The following ADAMTS3 variants were observed in gnomAD, a reference collection of about 807,000 sequenced individuals.
The protein encoded by ADAMTS3 is ADAM metallopeptidase with thrombospondin type 1 motif 3.
A neutral mutation model predicts 129.0 loss-of-function variants in ADAMTS3; 73 were observed. That is an observed-to-expected ratio of 0.57 (90% CI 0.47 to 0.69). ADAMTS3 has a LOEUF of 0.69. Ranked by LOEUF, ADAMTS3 falls within the 30% of genes least tolerant of loss-of-function variation. The probability of loss-of-function intolerance (pLI) is 0.00; values close to 1 mark genes in which losing one functional copy is unlikely to be tolerated. For missense variants in ADAMTS3, 1,457 were observed against 1,514.5 expected (o/e 0.96, Z 0.63); for synonymous variants, 477 against 510.8 (o/e 0.93, Z 0.89).
intron 17 of ADAMTS3, among the ~76,000 whole-genome samples, chr4:72,303,396 CAG>C (rs1719002469): frequency 6.6e-6 from 1 of 151,896 alleles, no homozygotes; most frequent in Non-Finnish European, 1.5e-5. Flanking sequence ...GAAGGGAAAA[CAG>C]GGAATAAAAA....
intron 19 of ADAMTS3, among the ~76,000 whole-genome samples, chr4:72,293,148 A>G (rs1718719615): frequency 6.6e-6 from 1 of 152,224 alleles, no homozygotes; most frequent in Admixed American, 6.5e-5. Context: ...CCAACTCAGC[A>G]GTACAAGGTG....
intron 2 of ADAMTS3, among the ~76,000 whole-genome samples, chr4:72,556,302 T>G (rs1432256110): frequency 6.6e-6 from 1 of 151,776 alleles, no homozygotes; most frequent in African/African-American, 2.4e-5. Flanking sequence ...CAGCCAGATA[T>G]GCTACAACTT....
chr4:72,426,021 C>T (rs1486325690), intron 3 of ADAMTS3, among the ~76,000 whole-genome samples: 3 of 152,168 alleles, frequency 2.0e-5, no homozygotes, highest in Non-Finnish European at 4.4e-5. Context: ...TTAATGATTG[C>T]CATTCTAACC....
At chr4:72,548,379 A>G in intron 3 of ADAMTS3, 99 bp downstream of exon 3, 1 of 1,263,778 alleles carries the variant, frequency 7.9e-7, no homozygotes, top group African/African-American at 1.5e-5. Flanking sequence ...TAACATAACA[A>G]TGAAGCCTCC....
At chr4:72,373,917 T>G (rs200968055) in intron 4 of ADAMTS3, among the ~76,000 whole-genome samples, 4 of 87,204 alleles carry the variant, frequency 4.6e-5, no homozygotes, top group African/African-American at 1.4e-4. Flanking sequence ...ATAATAATAA[T>G]AATAATAATA....
At chr4:72,552,045 A>G (rs137963814) in intron 2 of ADAMTS3, among the ~76,000 whole-genome samples, 5,295 of 152,304 alleles carry the variant, frequency 0.035, 162 homozygotes, top group Non-Finnish European at 0.047. Context: ...AAAGCAATCA[A>G]AAGAATTTTA....
chr4:72,517,725 C>A (rs1338818865), intron 3 of ADAMTS3, among the ~76,000 whole-genome samples: 7 of 151,658 alleles, frequency 4.6e-5, no homozygotes, highest in African/African-American at 1.7e-4. Context: ...ATTCTTCTCT[C>A]TTTTTTTCTT....
intron 18 of ADAMTS3, 131 bp downstream of exon 18, chr4:72,298,146 A>T: frequency 1.5e-6 from 1 of 662,200 alleles, no homozygotes. Context: ...AATGTTTTGT[A>T]TTGATGTTTT....
intron 4 of ADAMTS3, among the ~76,000 whole-genome samples, chr4:72,344,585 G>A (rs1720229512): frequency 6.6e-6 from 1 of 152,110 alleles, no homozygotes; most frequent in South Asian, 2.1e-4. Flanking sequence ...GGTTACATGT[G>A]ACTAAGTATA....
intron 3 of ADAMTS3, among the ~76,000 whole-genome samples, chr4:72,428,596 A>G (rs1395675320): frequency 6.6e-6 from 1 of 152,064 alleles, no homozygotes; most frequent in Non-Finnish European, 1.5e-5. Flanking sequence ...TTTCCAGGCT[A>G]AAAGATAAGA....
At chr4:72,290,791 T>G in intron 20 of ADAMTS3, 64 bp downstream of exon 20, 3 of 1,538,548 alleles carry the variant, frequency 1.9e-6, no homozygotes, top group East Asian at 4.5e-5. Flanking sequence ...TAAGCCAAAT[T>G]AAAATATCTA....
chr4:72,459,011 A>C (rs1718695886), intron 3 of ADAMTS3, among the ~76,000 whole-genome samples: 1 of 151,746 alleles, frequency 6.6e-6, no homozygotes, highest in African/African-American at 2.4e-5. Flanking sequence ...TAACAAAAAA[A>C]CAATTTTGTA....
intron 10 of ADAMTS3, among the ~76,000 whole-genome samples, chr4:72,318,028 C>CAA (rs1252397421): frequency 2.9e-3 from 361 of 123,148 alleles, no homozygotes; most frequent in African/African-American, 0.01. Context: ...GACTCCGTCT[C>CAA]AAAAAAAAAA....
At chr4:72,500,606 C>T (rs919779029) in intron 3 of ADAMTS3, among the ~76,000 whole-genome samples, 3 of 152,082 alleles carry the variant, frequency 2.0e-5, no homozygotes, top group African/African-American at 7.2e-5. Context: ...TACAGAAAAG[C>T]TCTTTAGTTT....
At chr4:72,478,785 T>C (rs942229343) in intron 3 of ADAMTS3, among the ~76,000 whole-genome samples, 1 of 152,080 alleles carries the variant, frequency 6.6e-6, no homozygotes, top group Non-Finnish European at 1.5e-5. Context: ...ATTCTATATC[T>C]AGAAAACCCC....
chr4:72,303,181 CAT>C (rs1718996067), intron 17 of ADAMTS3, among the ~76,000 whole-genome samples: 1 of 152,160 alleles, frequency 6.6e-6, no homozygotes, highest in Admixed American at 6.5e-5. Flanking sequence ...CACCTAGGCA[CAT>C]AAACCACCTC....
intron 3 of ADAMTS3, among the ~76,000 whole-genome samples, chr4:72,470,529 C>T (rs1384900624): frequency 6.6e-6 from 1 of 151,410 alleles, no homozygotes; most frequent in East Asian, 1.9e-4. Flanking sequence ...TATCCATCTT[C>T]CTGTATATGC....
At chr4:72,434,544 G>C (rs942815356) in intron 3 of ADAMTS3, among the ~76,000 whole-genome samples, 1 of 151,528 alleles carries the variant, frequency 6.6e-6, no homozygotes, top group Non-Finnish European at 1.5e-5. Context: ...TTCTAAGGTG[G>C]CCCCCCCAAA....
chr4:72,551,588 G>C (rs1351685500), intron 2 of ADAMTS3, among the ~76,000 whole-genome samples: 1 of 152,180 alleles, frequency 6.6e-6, no homozygotes, highest in Non-Finnish European at 1.5e-5. Flanking sequence ...CTGGATGGTA[G>C]TTAATGGAAC....
Sources: allele counts gnomAD v4.1 joint callset (sites outside exome capture counted in the v4.1 genomes callset), GRCh38; gene constraint gnomAD v4.1.1; transcripts MANE v1.5; gene names NCBI Gene and HGNC (gene_info 2026-07-23, HGNC 2026-07-21).